Variants in LYZL1 observed in about 807,000 individuals in gnomAD.
The protein encoded by LYZL1 is lysozyme-like protein 1.
LYZL1 carries 16 observed loss-of-function variants against 17.9 expected under a neutral mutation model. That is an observed-to-expected ratio of 0.90 (90% CI 0.61 to 1.36). The LOEUF is 1.36. LYZL1 is among the 40% of genes most tolerant of loss of function. The pLI, the probability that LYZL1 is intolerant of heterozygous loss-of-function variation, is 0.00. For synonymous variants in LYZL1, 58 were observed against 71.8 expected, an observed-to-expected ratio of 0.81 and a Z score of 0.97; for missense variants, 149 against 188.4, an observed-to-expected ratio of 0.79 and a Z score of 1.22.
At chr10:29,303,914 A>G (rs1306382009) in intron 3 of LYZL1, among the ~76,000 whole-genome samples, 1 of 152,180 alleles carries the variant, frequency 6.6e-6, no homozygotes, top group Non-Finnish European at 1.5e-5. Context: ...GATACACTTC[A>G]TGATCTTTTT....
intron 1 of LYZL1, 87 bp downstream of exon 1, chr10:29,289,317 G>A (rs1456478699): frequency 1.6e-5 from 18 of 1,097,332 alleles, no homozygotes; most frequent in African/African-American, 4.8e-5. Context: ...TCATTGCTGC[G>A]GGTTTTCTTT....
At chr10:29,306,778 CAT>C (rs1312192561) in intron 3 of LYZL1, among the ~76,000 whole-genome samples, 6 of 149,688 alleles carry the variant, frequency 4.0e-5, no homozygotes, top group East Asian at 2.0e-4. Context: ...CATCACCTCA[CAT>C]AGTTACCGCT....
chr10:29,298,779 G>C (rs774258916), intron 3 of LYZL1, among the ~76,000 whole-genome samples: 34 of 152,100 alleles, frequency 2.2e-4, no homozygotes, highest in Non-Finnish European at 4.1e-4. Context: ...AGAGAATATG[G>C]TCTATATCAG....
At chr10:29,295,864 G>A (rs1835440178) in intron 3 of LYZL1, among the ~76,000 whole-genome samples, 1 of 152,132 alleles carries the variant, frequency 6.6e-6, no homozygotes, top group African/African-American at 2.4e-5. Flanking sequence ...AGCTGGGAAT[G>A]GCCCTCAGGT....
At chr10:29,315,336 C>T (rs1835717208), downstream of LYZL1, among the ~76,000 whole-genome samples, 2 of 151,826 alleles carry the variant, frequency 1.3e-5, no homozygotes, top group African/African-American at 4.8e-5. Context: ...ATGGTGAAAC[C>T]CCATCTCTAC....
intron 3 of LYZL1, among the ~76,000 whole-genome samples, chr10:29,305,622 CAGG>C (rs1835578966): frequency 6.6e-6 from 1 of 152,164 alleles, no homozygotes; most frequent in African/African-American, 2.4e-5. Flanking sequence ...AGAAGATAGG[CAGG>C]AGATTTTATA....
chr10:29,293,127 C>CTTTTCTTTTTTTT (rs1835397932), intron 3 of LYZL1, among the ~76,000 whole-genome samples: 8 of 104,196 alleles, frequency 7.7e-5, no homozygotes, highest in African/African-American at 1.1e-4. Flanking sequence ...CTTTTCTTTT[C>CTTTTCTTTTTTTT]TTTTTTCTTT....
Position 29,292,576 on chromosome 10 carries a change from A to G in LYZL1, c.197A>G (p.Asp66Gly). ...GYNTTAQTVL[D>G]DGSIDYGIFQ... ...AACACCACAGCCCAGACGGTCCTGG[A>G]TGACGGCAGCATCGACTATGGCATC... The change falls in exon 3 of 5, where the codon GAT becomes GGT. Residue 66 changes from aspartate to glycine, a missense_variant. Coordinates refer to ENST00000649382, the MANE Select transcript of LYZL1 (RefSeq NM_032517.6). 1 of 1,614,272 alleles carries G rather than the reference A, an allele frequency of 6.2e-7. No individual in the cohort carries two copies. The highest frequency in any genetic ancestry group is 8.5e-7 in the Non-Finnish European group (1 of 1,180,044).
intron 1 of LYZL1, among the ~76,000 whole-genome samples, chr10:29,290,057 G>A (rs1312668044): frequency 2.6e-5 from 4 of 152,142 alleles, no homozygotes; most frequent in Non-Finnish European, 4.4e-5. Context: ...AGCCCTGCTT[G>A]TTACTTGGTG....
chr10:29,302,952 A>G (rs1209811884), intron 3 of LYZL1, among the ~76,000 whole-genome samples: 1 of 152,182 alleles, frequency 6.6e-6, no homozygotes, highest in South Asian at 2.1e-4. Context: ...GGGTAGGGCT[A>G]GTTTAGTCCC....
chr10:29,312,715 C>T (rs1219765359), downstream of LYZL1, among the ~76,000 whole-genome samples: 1 of 152,126 alleles, frequency 6.6e-6, no homozygotes, highest in Non-Finnish European at 1.5e-5. Context: ...GGATGGCACC[C>T]CCTCCTGGCT....
chr10:29,296,242 C>T (rs534418611), intron 3 of LYZL1, among the ~76,000 whole-genome samples: 1 of 152,224 alleles, frequency 6.6e-6, no homozygotes, highest in African/African-American at 2.4e-5. Context: ...AATACCAAAA[C>T]ATTTAGAAGC....
At chr10:29,303,166 G>C (rs766229022) in intron 3 of LYZL1, among the ~76,000 whole-genome samples, 1 of 152,128 alleles carries the variant, frequency 6.6e-6, no homozygotes, top group Non-Finnish European at 1.5e-5. Flanking sequence ...TCAAAGACTG[G>C]GTGGAATCCC....
chr10:29,313,458 G>A (rs1293107711), downstream of LYZL1, among the ~76,000 whole-genome samples: 2 of 152,154 alleles, frequency 1.3e-5, no homozygotes, highest in Non-Finnish European at 2.9e-5. Context: ...GCCATTCAAA[G>A]ACTGGGGGAA....
At chr10:29,311,516 C>T (rs1385250476), downstream of LYZL1, among the ~76,000 whole-genome samples, 2 of 152,034 alleles carry the variant, frequency 1.3e-5, no homozygotes, top group South Asian at 4.2e-4. Context: ...CATGCCCACC[C>T]ACAAGCCTAG....
At chr10:29,303,027 A>G (rs1835542462) in intron 3 of LYZL1, among the ~76,000 whole-genome samples, 2 of 152,188 alleles carry the variant, frequency 1.3e-5, no homozygotes, top group African/African-American at 2.4e-5. Flanking sequence ...AGCAAGGTCT[A>G]TTCCCTTGGG....
chr10:29,309,580 T>A (rs1433028062), intron 3 of LYZL1, among the ~76,000 whole-genome samples: 2 of 152,078 alleles, frequency 1.3e-5, no homozygotes, highest in Non-Finnish European at 2.9e-5. Flanking sequence ...CACTGCAGCT[T>A]CAACCTCCTG....
chr10:29,310,493 C>T (rs1008210771), intron 4 of LYZL1, among the ~76,000 whole-genome samples: 7 of 145,172 alleles, frequency 4.8e-5, no homozygotes, highest in East Asian at 2.0e-4. Context: ...TGAATCAATT[C>T]GAGAGAGGAA....
chr10:29,313,762 A>G (rs1204410463), downstream of LYZL1, among the ~76,000 whole-genome samples: 2 of 152,254 alleles, frequency 1.3e-5, no homozygotes, highest in Non-Finnish European at 2.9e-5. Context: ...CATATTTCAG[A>G]AAAACCCACA....
Sources: allele counts gnomAD v4.1 joint callset (sites outside exome capture counted in the v4.1 genomes callset), GRCh38; gene constraint gnomAD v4.1.1; transcripts MANE v1.5; gene names NCBI Gene and HGNC (gene_info 2026-07-23, HGNC 2026-07-21).